GRAMD2B: variants seen among roughly 807,000 people sequenced by gnomAD.
The protein encoded by GRAMD2B is GRAM domain containing 2B.
A neutral mutation model predicts 59.2 loss-of-function variants in GRAMD2B; 41 were observed. That is an observed-to-expected ratio of 0.69 (90% confidence interval 0.54 to 0.90). The LOEUF is 0.90. GRAMD2B is among the 40% of genes least tolerant of loss of function. GRAMD2B has a pLI of 0.00. For missense variants in GRAMD2B, 424 were observed against 500.5 expected (o/e 0.85, Z 1.46); for synonymous variants, 161 against 182.7 (o/e 0.88, Z 0.96).
In GRAMD2B at chr5:126,493,803, C is replaced by G. The variant is rs1774321620; in HGVS notation, c.*847C>G. On this transcript the variant is annotated 3_prime_UTR_variant, in exon 14 of 14. Transcript: ENST00000285689. ...GTGGACTATGTTAGTAGTTTTCAAG[C>G]AGGATGTCTGTATTCAGCATTCAAT... The G allele has an allele frequency of 1.3e-5, 2 of 152,576 alleles. No individual in the cohort carries two copies. Among genetic ancestry groups the G allele is most frequent in the Non-Finnish European group, 2.9e-5 (2 of 68,024 alleles). 9.5% of individuals were successfully genotyped at this position (152,576 alleles called of 1,614,324 possible). A position where few individuals can be genotyped will look rare whatever the true frequency, so the allele number is the denominator to read the frequency against.
chr5:126,431,697 A>G (rs1015666045), intron 1 of GRAMD2B, among the ~76,000 whole-genome samples: 1 of 152,192 alleles, frequency 6.6e-6, no homozygotes, highest in African/African-American at 2.4e-5. Flanking sequence ...AAAGTGAGTA[A>G]AGAGATGAGG....
chr5:126,379,169 T>A (rs1396864528), intron 1 of GRAMD2B, among the ~76,000 whole-genome samples: 3 of 151,672 alleles, frequency 2.0e-5, no homozygotes, highest in Non-Finnish European at 4.4e-5. Flanking sequence ...TGATTTTCCA[T>A]TCCGAGTTAT....
chr5:126,372,242 A>G (rs1358439188), intron 1 of GRAMD2B, among the ~76,000 whole-genome samples: 1 of 152,190 alleles, frequency 6.6e-6, no homozygotes, highest in African/African-American at 2.4e-5. Flanking sequence ...TATAGAATGT[A>G]GAAATTTAGT....
At chr5:126,471,222 A>T (rs1769518742) in intron 3 of GRAMD2B, among the ~76,000 whole-genome samples, 1 of 152,182 alleles carries the variant, frequency 6.6e-6, no homozygotes, top group South Asian at 2.1e-4. Flanking sequence ...ATTTTTCTTC[A>T]GAAGCATCCC....
intron 1 of GRAMD2B, among the ~76,000 whole-genome samples, chr5:126,405,677 T>C (rs1178761529): frequency 6.6e-6 from 1 of 151,772 alleles, no homozygotes; most frequent in Non-Finnish European, 1.5e-5. Flanking sequence ...GACAGTCTCC[T>C]TGAGGATATC....
chr5:126,436,472 G>C (rs1762432039), intron 1 of GRAMD2B, among the ~76,000 whole-genome samples: 1 of 152,010 alleles, frequency 6.6e-6, no homozygotes, highest in Non-Finnish European at 1.5e-5. Context: ...AACATAACAA[G>C]ACCCTGCCTC....
upstream of GRAMD2B, among the ~76,000 whole-genome samples, chr5:126,421,311 G>T (rs535463715): frequency 3.3e-5 from 5 of 152,346 alleles, no homozygotes; most frequent in South Asian, 1.0e-3. Flanking sequence ...TCTGAGCTCT[G>T]TAATGAGAAG....
intron 1 of GRAMD2B, among the ~76,000 whole-genome samples, chr5:126,371,734 G>C (rs1053766797): frequency 1.3e-5 from 2 of 152,228 alleles, no homozygotes; most frequent in African/African-American, 4.8e-5. Context: ...AAGGGGGTAT[G>C]TAATAAGGGA....
intron 1 of GRAMD2B, among the ~76,000 whole-genome samples, chr5:126,440,043 G>C (rs1763045007): frequency 6.6e-6 from 1 of 151,810 alleles, no homozygotes; most frequent in East Asian, 1.9e-4. Flanking sequence ...AAATTACCCA[G>C]TCTCCGGTGT....
At chr5:126,424,587 G>T (rs965800309) in intron 1 of GRAMD2B, among the ~76,000 whole-genome samples, 8 of 152,178 alleles carry the variant, frequency 5.3e-5, no homozygotes, top group South Asian at 2.1e-4. Flanking sequence ...ATTATCACTA[G>T]GCTCAAAGTC....
intron 8 of GRAMD2B, among the ~76,000 whole-genome samples, chr5:126,481,214 AGAAAGAAAGAAAG>A (rs1771736060): frequency 4.8e-4 from 6 of 12,484 alleles, no homozygotes; most frequent in Non-Finnish European, 6.6e-4. Context: ...AAAGAAAGAA[AGAAAGAAAGAAAG>A]AAAGAAAGAA....
chr5:126,458,716 C>G (rs1161788323), intron 1 of GRAMD2B: 2 of 152,202 alleles, frequency 1.3e-5, no homozygotes, highest in East Asian at 3.8e-4. Flanking sequence ...ATGCTTTTCC[C>G]TATTAACTGC....
upstream of GRAMD2B, among the ~76,000 whole-genome samples, chr5:126,421,457 G>A (rs1223321001): frequency 6.6e-6 from 1 of 152,104 alleles, no homozygotes. Flanking sequence ...TCCCCAGGAA[G>A]AGGCAACTAT....
chr5:126,476,718 G>T (rs1157679677), intron 5 of GRAMD2B, among the ~76,000 whole-genome samples: 2 of 152,062 alleles, frequency 1.3e-5, no homozygotes, highest in Non-Finnish European at 2.9e-5. Flanking sequence ...TGGTAAATAG[G>T]TATCAATAAT....
At chr5:126,378,694 T>A (rs937953112) in intron 1 of GRAMD2B, among the ~76,000 whole-genome samples, 1 of 152,204 alleles carries the variant, frequency 6.6e-6, no homozygotes, top group Admixed American at 6.5e-5. Flanking sequence ...AACTCTCAGC[T>A]AGCGGAATGA....
Position 126,473,299 on chromosome 5 carries a change from C to T in GRAMD2B, c.417C>T (p.Tyr139=). 1 of 1,523,862 alleles carries T rather than the reference C, an allele frequency of 6.6e-7. No homozygotes were observed. Among genetic ancestry groups the T allele is most frequent in the Non-Finnish European group, 8.9e-7 (1 of 1,125,714 alleles). 94.4% of individuals were successfully genotyped at this position (1,523,862 alleles called of 1,614,324 possible). The part of the protein sequence containing the change: ...FTCALQKEIL[Y]QGKLFVSENW... ...GTGCTCTACAGAAAGAAATACTATA[C>T]CAAGGAAAGCTCTTTGTATCAGAAA... is the stretch of plus-strand genomic sequence containing the variant. Residue 139 remains tyrosine (Y), a synonymous_variant, in exon 5 of 14, where the codon TAC becomes TAT. Transcript: ENST00000285689.
intron 6 of GRAMD2B, 62 bp from the exon 7 acceptor site, chr5:126,480,394 C>A: frequency 8.2e-7 from 1 of 1,218,076 alleles, no homozygotes; most frequent in Admixed American, 1.7e-5. Context: ...CTTTTCTGAA[C>A]TCTCAACTCT....
chr5:126,466,471 G>A, intron 2 of GRAMD2B: 2 of 650,784 alleles, frequency 3.1e-6, no homozygotes, highest in Middle Eastern at 2.5e-4. Context: ...TGTCATCCAG[G>A]CTGGAGTGCA....
intron 1 of GRAMD2B, among the ~76,000 whole-genome samples, chr5:126,376,168 G>A (rs1322171622): frequency 6.6e-6 from 1 of 152,234 alleles, no homozygotes; most frequent in Non-Finnish European, 1.5e-5. Context: ...TTAGGCAAAA[G>A]TGAAAGTTGC....
Sources: gnomAD v4.1 joint callset for allele counts (sites outside exome capture counted in the v4.1 genomes callset) on GRCh38, gnomAD v4.1.1 for gene constraint, MANE v1.5 for transcripts, NCBI Gene and HGNC (gene_info 2026-07-23, HGNC 2026-07-21) for gene names.